RPS6KC1: variants seen among roughly 807,000 people sequenced by gnomAD.
RPS6KC1 encodes inactive ribosomal protein S6 kinase delta-1.
A neutral mutation model predicts 103.8 loss-of-function variants in RPS6KC1; 54 were observed. That is an observed-to-expected ratio of 0.52 (90% CI 0.42 to 0.65). RPS6KC1 has a LOEUF of 0.65. Ranked by LOEUF, RPS6KC1 falls within the 30% of genes least tolerant of loss-of-function variation. The pLI is 0.00. For synonymous variants in RPS6KC1, 439 were observed against 438.7 expected (o/e 1.00, Z -0.01); for missense variants, 1,151 against 1,253.8 (o/e 0.92, Z 1.24).
chr1:213,285,999 C>T, the RPS6KC1 span, among the ~76,000 whole-genome samples: 2 of 152,092 alleles, frequency 1.3e-5, no homozygotes, highest in Non-Finnish European at 2.9e-5. Flanking sequence ...TATAAATTAC[C>T]CAGCCTAAGG....
the RPS6KC1 span, among the ~76,000 whole-genome samples, chr1:213,631,360 C>G: frequency 2.2e-5 from 3 of 137,716 alleles, no homozygotes; most frequent in African/African-American, 8.4e-5. Flanking sequence ...CTCCACCAAT[C>G]TGGGGCTCTT....
At position 213,205,265 on chromosome 1, in the gene RPS6KC1, A is replaced by C. The variant is rs935849260; in HGVS notation, c.1045-25232A>C. The C allele has an allele frequency of 4.1e-6, 4 of 984,920 alleles. No homozygotes were observed. In the African/African-American group the frequency reaches 7.0e-5, roughly 17 times the overall value. The allele number at this position is 984,920 out of a possible 1,614,324, so 61.0% of individuals were successfully genotyped here. ...ACACAGCCATGGTGAGACACTTGAG[A>C]TGTTCTGCTGAAGACAATTGTTACA... On this transcript the variant is annotated intron_variant, in intron 8 of 14. Coordinates refer to ENST00000366960, the MANE Select transcript of RPS6KC1 (RefSeq NM_012424.6).
chr1:213,116,857 C>T (rs2083702595), intron 4 of RPS6KC1, among the ~76,000 whole-genome samples: 1 of 152,072 alleles, frequency 6.6e-6, no homozygotes, highest in South Asian at 2.1e-4. Flanking sequence ...AAATTCTTTT[C>T]TTTAAGAATG....
chr1:213,122,994 T>C (rs1006193491), intron 5 of RPS6KC1, among the ~76,000 whole-genome samples: 2 of 151,928 alleles, frequency 1.3e-5, no homozygotes, highest in Admixed American at 1.3e-4. Flanking sequence ...AGTTTAGGGG[T>C]TGGGTGGGAC....
intron 9 of RPS6KC1, among the ~76,000 whole-genome samples, chr1:213,231,677 A>G (rs182445124): frequency 6.6e-6 from 1 of 152,234 alleles, no homozygotes; most frequent in East Asian, 1.9e-4. Flanking sequence ...AAGACTTAAT[A>G]TTGTTTGTAC....
chr1:213,554,119 T>C, the RPS6KC1 span, among the ~76,000 whole-genome samples: 1 of 152,184 alleles, frequency 6.6e-6, no homozygotes, highest in Admixed American at 6.5e-5. Context: ...TCCAGAATAG[T>C]ATTTCTTAGG....
At chr1:213,665,063 C>A in the RPS6KC1 span, among the ~76,000 whole-genome samples, 1 of 151,982 alleles carries the variant, frequency 6.6e-6, no homozygotes, top group Non-Finnish European at 1.5e-5. Flanking sequence ...TAGAGATTAT[C>A]TTATTTAATT....
intron 6 of RPS6KC1, among the ~76,000 whole-genome samples, chr1:213,157,453 C>T (rs1348543952): frequency 3.3e-5 from 5 of 152,008 alleles, no homozygotes; most frequent in South Asian, 2.1e-4. Flanking sequence ...GTGATCTGCC[C>T]GCCTCGGCCT....
At chr1:213,393,808 G>A in the RPS6KC1 span, among the ~76,000 whole-genome samples, 10 of 152,164 alleles carry the variant, frequency 6.6e-5, no homozygotes, top group Non-Finnish European at 1.0e-4. Context: ...TGAAAGGGAG[G>A]AGAAGGAGGA....
At chr1:213,418,367 A>T in the RPS6KC1 span, among the ~76,000 whole-genome samples, 7 of 152,096 alleles carry the variant, frequency 4.6e-5, no homozygotes, top group Non-Finnish European at 1.0e-4. Context: ...CTGAGAGGGA[A>T]CACAGCTTCG....
chr1:213,380,405 A>C, the RPS6KC1 span, among the ~76,000 whole-genome samples: 4 of 152,190 alleles, frequency 2.6e-5, no homozygotes, highest in African/African-American at 4.8e-5. Flanking sequence ...CGATGAAATA[A>C]TCTGTATAAC....
chr1:213,710,324 C>T, the RPS6KC1 span, among the ~76,000 whole-genome samples: 2 of 152,010 alleles, frequency 1.3e-5, no homozygotes, highest in Non-Finnish European at 2.9e-5. Context: ...CTTATCAGAG[C>T]CTAGGATTGC....
intron 4 of RPS6KC1, among the ~76,000 whole-genome samples, chr1:213,116,209 A>G (rs1044841991): frequency 9.2e-5 from 14 of 152,208 alleles, no homozygotes; most frequent in African/African-American, 2.9e-4. Flanking sequence ...TAGGTCACTC[A>G]GGACTTACTT....
chr1:213,663,153 G>A, the RPS6KC1 span, among the ~76,000 whole-genome samples: 1 of 152,202 alleles, frequency 6.6e-6, no homozygotes, highest in East Asian at 1.9e-4. Flanking sequence ...TTAAATGTAT[G>A]CAAAGTGCTT....
the RPS6KC1 span, among the ~76,000 whole-genome samples, chr1:213,811,882 G>A: frequency 6.6e-6 from 1 of 152,172 alleles, no homozygotes; most frequent in African/African-American, 2.4e-5. Flanking sequence ...ATGTCATATC[G>A]AAATTCAACC....
intron 8 of RPS6KC1, among the ~76,000 whole-genome samples, chr1:213,188,553 G>T (rs2092626669): frequency 6.6e-6 from 1 of 151,972 alleles, no homozygotes; most frequent in Non-Finnish European, 1.5e-5. Flanking sequence ...TTGGAGAGGG[G>T]GGCGTGAAAA....
intron 10 of RPS6KC1, among the ~76,000 whole-genome samples, chr1:213,233,099 A>G (rs1376448778): frequency 6.6e-6 from 1 of 152,206 alleles, no homozygotes; most frequent in African/African-American, 2.4e-5. Flanking sequence ...AAAAGAAGTC[A>G]TTGCTTTCTG....
chr1:213,362,598 A>G, the RPS6KC1 span, among the ~76,000 whole-genome samples: 1 of 152,198 alleles, frequency 6.6e-6, no homozygotes. Context: ...TCAGGAGACG[A>G]GTAAGAAGAT....
At chr1:213,824,655 T>C in the RPS6KC1 span, among the ~76,000 whole-genome samples, 4 of 152,128 alleles carry the variant, frequency 2.6e-5, no homozygotes, top group South Asian at 6.2e-4. Flanking sequence ...ATAAGTCTCA[T>C]GAGATCTGAT....
Sources: gnomAD v4.1 joint callset for allele counts (sites outside exome capture counted in the v4.1 genomes callset) on GRCh38, gnomAD v4.1.1 for gene constraint, MANE v1.5 for transcripts, NCBI Gene and HGNC (gene_info 2026-07-23, HGNC 2026-07-21) for gene names.